GLIS2: variants seen among roughly 807,000 people sequenced by gnomAD.
GLIS2 encodes zinc finger protein GLIS2.
GLIS2 carries 14 observed loss-of-function variants against 35.6 expected under a neutral mutation model. The observed-to-expected ratio is 0.39, with a 90% CI of 0.26 to 0.61. GLIS2 has a LOEUF of 0.61. Ranked by LOEUF, GLIS2 falls within the 20% of genes least tolerant of loss-of-function variation. The pLI, the probability that GLIS2 is intolerant of heterozygous loss-of-function variation, is 0.48. For missense variants in GLIS2, 675 were observed against 713.4 expected (o/e 0.95, Z 0.61); for synonymous variants, 368 against 325.1 (o/e 1.13, Z -1.42).
intron 1 of GLIS2, among the ~76,000 whole-genome samples, chr16:4,323,885 C>T (rs940183172): frequency 1.3e-4 from 20 of 152,194 alleles, no homozygotes; most frequent in Admixed American, 9.8e-4. Flanking sequence ...GGGACCATTG[C>T]CGTGGTGTCT....
chr16:4,322,940 G>A (rs1407634536), intron 1 of GLIS2, among the ~76,000 whole-genome samples: 1 of 152,180 alleles, frequency 6.6e-6, no homozygotes, highest in African/African-American at 2.4e-5. Flanking sequence ...TGTTTCCTTC[G>A]CTCTGGGGAC....
chr16:4,317,995 C>T (rs969880449), intron 1 of GLIS2, among the ~76,000 whole-genome samples: 2 of 152,164 alleles, frequency 1.3e-5, no homozygotes, highest in African/African-American at 4.8e-5. Context: ...GACCCTGGCC[C>T]AGGCCCCCTG....
upstream of GLIS2, among the ~76,000 whole-genome samples, chr16:4,315,901 G>A (rs902094771): frequency 6.7e-6 from 1 of 149,410 alleles, no homozygotes; most frequent in African/African-American, 2.4e-5. Context: ...TTGCTGGGAG[G>A]GAGGGAGCGA....
intron 1 of GLIS2, among the ~76,000 whole-genome samples, chr16:4,318,188 C>A (rs568901114): frequency 1.3e-5 from 2 of 152,230 alleles, no homozygotes; most frequent in East Asian, 3.9e-4. Context: ...GGAGGGTGAC[C>A]GGGGAAAGCC....
At chr16:4,333,154 C>T (rs953148321) in intron 2 of GLIS2, among the ~76,000 whole-genome samples, 193 bp from the exon 3 acceptor site, 3 of 152,152 alleles carry the variant, frequency 2.0e-5, no homozygotes, top group African/African-American at 4.8e-5. Flanking sequence ...CAAGCTCTGG[C>T]GGCTGGTAAA....
upstream of GLIS2, among the ~76,000 whole-genome samples, chr16:4,315,864 C>G (rs1331001581): frequency 6.7e-6 from 1 of 149,930 alleles, no homozygotes; most frequent in Non-Finnish European, 1.5e-5. Flanking sequence ...GCGCCCCGGG[C>G]CTGGGGCCGC....
At position 4,337,068 on chromosome 16, in the gene GLIS2, C is replaced by T. The variant is rs1311255338; in HGVS notation, c.1119C>T (p.Pro373=). The T allele has an allele frequency of 7.1e-6, 11 of 1,545,756 alleles. No individual in the cohort carries two copies. The highest frequency in any genetic ancestry group is 9.6e-6 in the Non-Finnish European group (11 of 1,150,886). ...GGPGLPGLPL[P]LAPGPLDLSA... ...CTGGCCTGCCCGGCTTACCCCTACC[C>T]CTGGCCCCCGGCCCCCTTGACCTCA... Residue 373 remains proline, a synonymous_variant, in exon 7 of 7, where the codon CCC becomes CCT. Coordinates refer to ENST00000433375, the MANE Select transcript of GLIS2 (RefSeq NM_032575.3).
Position 4,326,107 on chromosome 16 carries a change from T to C in GLIS2, c.-66-6108T>C, listed in dbSNP as rs546343348. Among the ~76,000 whole-genome samples, 148 of 151,402 alleles carry C rather than the reference T, an allele frequency of 9.8e-4. 1 individual carries two copies. The highest frequency in any genetic ancestry group is 3.5e-3 in the African/African-American group (145 of 41,142). On this transcript the variant is annotated intron_variant, in intron 1 of 6. Transcript: ENST00000433375. ...TACACACAAAAAAATTAGCCGGGTG[T>C]GGTGGTGGGCGCCTGTAGTCCCAGC...
intron 3 of GLIS2, among the ~76,000 whole-genome samples, chr16:4,333,829 A>T (rs1230868286): frequency 6.6e-6 from 1 of 152,110 alleles, no homozygotes; most frequent in African/African-American, 2.4e-5. Context: ...GACACCAGTC[A>T]TGGCCGGGCA....
At chr16:4,328,599 G>A (rs1291355601) in intron 1 of GLIS2, among the ~76,000 whole-genome samples, 1 of 152,212 alleles carries the variant, frequency 6.6e-6, no homozygotes, top group Non-Finnish European at 1.5e-5. Flanking sequence ...GACGCAGGCC[G>A]TGTGCCGGGC....
intron 2 of GLIS2, 101 bp from the exon 3 acceptor site, chr16:4,333,246 G>A: frequency 1.5e-6 from 2 of 1,323,798 alleles, no homozygotes; most frequent in Non-Finnish European, 2.1e-6. Flanking sequence ...GGGCATGGCT[G>A]GTGTCTGCTC....
Position 4,336,833 on chromosome 16 carries a change from G to C in GLIS2, c.884G>C (p.Cys295Ser). Residue 295 changes from cysteine (C) to serine (S), a missense_variant, in exon 7 of 7, where the codon TGC becomes TCC. Coordinates refer to ENST00000433375, the MANE Select transcript of GLIS2 (RefSeq NM_032575.3). ...CACTATGTGGACAAGCCCTACTACT[G>C]CAAGATGCCCGGCTGCCACAAGCGC... ...RTHYVDKPYY[C>S]KMPGCHKRYT... 1 of 1,612,498 alleles carries C rather than the reference G, an allele frequency of 6.2e-7. No homozygotes were observed. Among genetic ancestry groups the C allele is most frequent in the Non-Finnish European group, 8.5e-7 (1 of 1,179,526 alleles).
chr16:4,333,867 C>G (rs189316098), intron 3 of GLIS2, among the ~76,000 whole-genome samples: 1 of 152,184 alleles, frequency 6.6e-6, no homozygotes, highest in Non-Finnish European at 1.5e-5. Flanking sequence ...AACCCCAGCA[C>G]TTTAGGAGGC....
intron 1 of GLIS2, among the ~76,000 whole-genome samples, chr16:4,316,860 C>T (rs1241094236): frequency 6.6e-6 from 1 of 152,208 alleles, no homozygotes; most frequent in Admixed American, 6.5e-5. Context: ...ACGCAGGCGA[C>T]CGGCCTGGCA....
intron 1 of GLIS2, among the ~76,000 whole-genome samples, chr16:4,317,051 A>G (rs2053321088): frequency 6.6e-6 from 1 of 152,108 alleles, no homozygotes; most frequent in African/African-American, 2.4e-5. Flanking sequence ...CCTGCCCAGC[A>G]GGGTACTCGG....
At position 4,338,894 on chromosome 16, in the gene GLIS2, A is replaced by C. The variant is rs974450049; in HGVS notation, c.*1370A>C. 1 of 152,310 alleles carries C rather than the reference A, an allele frequency of 6.6e-6. No homozygotes were observed. Among genetic ancestry groups the C allele is most frequent in the Non-Finnish European group, 1.5e-5 (1 of 68,116 alleles). The allele number at this position is 152,310 out of a possible 1,614,324, so 9.4% of individuals were successfully genotyped here. On this transcript the variant is annotated 3_prime_UTR_variant, in exon 7 of 7. Coordinates refer to ENST00000433375, the MANE Select transcript of GLIS2 (RefSeq NM_032575.3). ...CTCCCTGCTCCCTCTCCCACCTGGCAGCTGGGAGTTCTGGCTTCTAGGCCT... is the reference window on the plus strand; with the variant it reads ...CTCCCTGCTCCCTCTCCCACCTGGCCGCTGGGAGTTCTGGCTTCTAGGCCT...
chr16:4,317,193 G>T (rs902989073), intron 1 of GLIS2, among the ~76,000 whole-genome samples: 2 of 152,172 alleles, frequency 1.3e-5, no homozygotes, highest in East Asian at 3.9e-4. Flanking sequence ...AGCTGGAAGG[G>T]ATGCTGGGAG....
In GLIS2 at chr16:4,335,092, G is replaced by A. The variant is rs990461829; in HGVS notation, c.555G>A (p.Leu185=). The A allele has an allele frequency of 3.1e-6, 5 of 1,613,366 alleles. No homozygotes were observed. Among genetic ancestry groups the A allele is most frequent in the Non-Finnish European group, 4.2e-6 (5 of 1,180,054 alleles). ...AGCTCTTTGAGCTCCTGCAAGACCT[G>A]GTGGACCATGTCAACGATTACCATG... The part of the protein sequence containing the change: ...CNQLFELLQD[L]VDHVNDYHVK... Residue 185 remains leucine (L), a synonymous_variant, in exon 5 of 7, where the codon CTG becomes CTA. Transcript: ENST00000433375. The surrounding 1 kb of genome is among the most constrained non-coding windows in gnomAD (Gnocchi z 4.6).
At position 4,335,983 on chromosome 16, in the gene GLIS2, CAGG is replaced by C. The variant is rs768104360; in HGVS notation, c.775+594_775+596del. ...CATCTCCAGGTGGAGAGCCATGTAT[CAGG>C]AGGTCAGTCACTACATGTGGCCCCC... On this transcript the variant is annotated intron_variant, in intron 6 of 6. Transcript: ENST00000433375. The surrounding 1 kb of genome is among the most constrained non-coding windows in gnomAD (Gnocchi z 4.6). 1.1e-5 allele frequency: 2 copies of C among 179,628 alleles called. No individual in the cohort carries two copies. The highest frequency in any genetic ancestry group is 2.4e-5 in the African/African-American group (1 of 41,952). The allele number at this position is 179,628 out of a possible 1,614,324, so 11.1% of individuals were successfully genotyped here.
Sources: gnomAD v4.1 joint callset for allele counts (sites outside exome capture counted in the v4.1 genomes callset) on GRCh38, gnomAD v4.1.1 for gene constraint, Gnocchi (gnomAD v3.1) non-coding constraint, MANE v1.5 for transcripts, NCBI Gene and HGNC (gene_info 2026-07-23, HGNC 2026-07-21) for gene names.